The following LUZP2 variants were observed in gnomAD, a reference collection of about 807,000 sequenced individuals.
LUZP2 encodes the protein leucine zipper protein 2.
A neutral mutation model predicts 51.6 loss-of-function variants in LUZP2; 52 were observed. The observed-to-expected ratio is 1.01, with a 90% CI of 0.81 to 1.27. The LOEUF is 1.27. Among genes scored for constraint, LUZP2 ranks in the 50% most tolerant of loss-of-function variants. The probability of loss-of-function intolerance (pLI) is 0.00; values close to 1 mark genes in which losing one functional copy is unlikely to be tolerated. For missense variants in LUZP2, 436 were observed against 395.4 expected, an observed-to-expected ratio of 1.10 and a Z score of -0.87; for synonymous variants, 154 against 137.3, an observed-to-expected ratio of 1.12 and a Z score of -0.85.
chr11:24,972,220 A>G (rs1381670010), intron 7 of LUZP2, among the ~76,000 whole-genome samples: 1 of 147,878 alleles, frequency 6.8e-6, no homozygotes. Context: ...TTTTGTTAGA[A>G]TTTATTCTTC....
intron 5 of LUZP2, among the ~76,000 whole-genome samples, chr11:24,818,935 C>T (rs550859677): frequency 6.6e-6 from 1 of 152,042 alleles, no homozygotes; most frequent in South Asian, 2.1e-4. Context: ...CTACAATGTT[C>T]ATAGAAGGAG....
chr11:24,790,805 C>G (rs1411820849), intron 5 of LUZP2, among the ~76,000 whole-genome samples: 2 of 151,992 alleles, frequency 1.3e-5, no homozygotes, highest in Non-Finnish European at 2.9e-5. Flanking sequence ...CACAGCCAAT[C>G]CTTTTATTCA....
intron 1 of LUZP2, among the ~76,000 whole-genome samples, chr11:24,658,026 T>C (rs1437836109): frequency 1.3e-5 from 2 of 152,140 alleles, no homozygotes; most frequent in Admixed American, 6.5e-5. Flanking sequence ...TTCAATGCCA[T>C]CTCCATCAAG....
intron 9 of LUZP2, among the ~76,000 whole-genome samples, chr11:24,996,551 A>T (rs933367662): frequency 4.7e-5 from 7 of 149,890 alleles, no homozygotes; most frequent in East Asian, 1.9e-4. Context: ...AATTATTCAG[A>T]TATTATTTTT....
chr11:24,870,102 T>A (rs1852014202), intron 5 of LUZP2, among the ~76,000 whole-genome samples: 1 of 152,152 alleles, frequency 6.6e-6, no homozygotes, highest in Non-Finnish European at 1.5e-5. Flanking sequence ...AGCCAAAGCC[T>A]GCTCTAAATC....
chr11:24,918,638 T>C (rs937970256), intron 7 of LUZP2, among the ~76,000 whole-genome samples: 1 of 148,526 alleles, frequency 6.7e-6, no homozygotes, highest in African/African-American at 2.5e-5. Flanking sequence ...TGTAATTCTT[T>C]AAAAAAAAAA....
At chr11:25,005,455 C>T (rs537175582) in intron 9 of LUZP2, among the ~76,000 whole-genome samples, 1 of 152,122 alleles carries the variant, frequency 6.6e-6, no homozygotes, top group Admixed American at 6.5e-5. Flanking sequence ...TTTTCCCCAT[C>T]AGAGAGAGAA....
At chr11:24,978,451 T>G (rs953266005) in intron 8 of LUZP2, among the ~76,000 whole-genome samples, 7 of 151,776 alleles carry the variant, frequency 4.6e-5, no homozygotes, top group Non-Finnish European at 7.4e-5. Flanking sequence ...ATTCCCATGA[T>G]TCTGAAGCAG....
At chr11:25,039,337 G>A (rs573080256) in intron 9 of LUZP2, among the ~76,000 whole-genome samples, 13 of 152,252 alleles carry the variant, frequency 8.5e-5, no homozygotes, top group African/African-American at 2.6e-4. Flanking sequence ...AAGGACCCAG[G>A]CTGTGCACTT....
At chr11:24,686,025 T>A (rs4316510) in intron 1 of LUZP2, among the ~76,000 whole-genome samples, 2 of 151,904 alleles carry the variant, frequency 1.3e-5, no homozygotes, top group Non-Finnish European at 2.9e-5. Flanking sequence ...GTTGTAATCA[T>A]TCCTCTCAAA....
At chr11:24,837,122 C>T (rs990680405) in intron 5 of LUZP2, among the ~76,000 whole-genome samples, 5 of 151,834 alleles carry the variant, frequency 3.3e-5, no homozygotes, top group South Asian at 2.1e-4. Context: ...TACCCCCTTT[C>T]CCCAGTTCTC....
At chr11:24,574,215 T>TTCCTTCCTTC (rs1852541365) in intron 1 of LUZP2, among the ~76,000 whole-genome samples, 1 of 105,678 alleles carries the variant, frequency 9.5e-6, no homozygotes, top group Non-Finnish European at 1.9e-5. Context: ...TTCCTTCCTT[T>TTCCTTCCTTC]CTTTCTTTCT....
At chr11:24,650,472 AT>A (rs950444016) in intron 1 of LUZP2, among the ~76,000 whole-genome samples, 1 of 152,014 alleles carries the variant, frequency 6.6e-6, no homozygotes, top group African/African-American at 2.4e-5. Context: ...TTTTGTTTAC[AT>A]TTTAAAAGAT....
intron 9 of LUZP2, among the ~76,000 whole-genome samples, chr11:25,012,542 A>T (rs1857015804): frequency 6.6e-6 from 1 of 152,156 alleles, no homozygotes; most frequent in Admixed American, 6.6e-5. Context: ...CCTAAATGTG[A>T]TGACACCACT....
intron 9 of LUZP2, among the ~76,000 whole-genome samples, chr11:25,000,519 C>A (rs113953047): frequency 2.6e-5 from 4 of 152,100 alleles, no homozygotes; most frequent in African/African-American, 9.7e-5. Flanking sequence ...TAGCTTGATG[C>A]CCTCAATTCT....
At chr11:24,763,417 T>G in intron 5 of LUZP2, 109 bp downstream of exon 5, 1 of 431,414 alleles carries the variant, frequency 2.3e-6, no homozygotes, top group Non-Finnish European at 4.2e-6. Context: ...CATATTTAAT[T>G]TTCAGTTATA....
chr11:24,783,527 T>TA (rs1172999910), intron 5 of LUZP2, among the ~76,000 whole-genome samples: 2 of 152,056 alleles, frequency 1.3e-5, no homozygotes, highest in African/African-American at 4.8e-5. Context: ...AGTAAGGTTC[T>TA]AACATTTTCC....
rs1766012210 is a variant in LUZP2, at chr11:24,751,484, T to G, written c.334-11762T>G. ...CAATGGCAACAGCTCAGGCCTCTCC[T>G]GTCATCAAGGTAACATCAGTGCAGT... On this transcript the variant is annotated intron_variant, in intron 4 of 11. Coordinates refer to ENST00000336930, the MANE Select transcript of LUZP2 (RefSeq NM_001009909.4). 3 of 561,016 alleles carry G rather than the reference T, an allele frequency of 5.3e-6. No individual in the cohort carries two copies. In the South Asian group the frequency reaches 2.2e-4, roughly 42 times the overall value. 34.8% of individuals were successfully genotyped at this position (561,016 alleles called of 1,614,324 possible). A position where few individuals can be genotyped will look rare whatever the true frequency, so the allele number is the denominator to read the frequency against.
At chr11:24,726,642 A>T (rs1858487163) in intron 1 of LUZP2, among the ~76,000 whole-genome samples, 1 of 152,044 alleles carries the variant, frequency 6.6e-6, no homozygotes. Context: ...CACTTTATTA[A>T]TTTTTAAGAG....
Sources: gnomAD v4.1 joint callset for allele counts (sites outside exome capture counted in the v4.1 genomes callset) on GRCh38, gnomAD v4.1.1 for gene constraint, MANE v1.5 for transcripts, NCBI Gene and HGNC (gene_info 2026-07-23, HGNC 2026-07-21) for gene names.